Variants in NRP1 observed in about 807,000 individuals in gnomAD.
NRP1 encodes neuropilin 1, also known as neuropilin-1.
In NRP1, 35 loss-of-function variants were observed where a neutral mutation model predicts 106.7. That is an observed-to-expected ratio of 0.33 (90% confidence interval 0.25 to 0.43). The LOEUF is 0.43. Among genes scored for constraint, NRP1 ranks in the 20% least tolerant of loss-of-function variants. NRP1 has a pLI of 1.00. For missense variants in NRP1, 1,024 were observed against 1,170.4 expected (o/e 0.87, Z 1.83); for synonymous variants, 437 against 417.9 (o/e 1.05, Z -0.56).
intron 15 of NRP1, 59 bp from the exon 16 acceptor site, chr10:33,182,807 C>A: frequency 1.8e-6 from 2 of 1,115,260 alleles, no homozygotes; most frequent in South Asian, 1.2e-5. Context: ...TATAATGCAC[C>A]AAACTACACA....
At position 33,215,107 on chromosome 10, in the gene NRP1, G is replaced by A. The variant is rs548652436; in HGVS notation, c.1283-1390C>T. Reference sequence around the variant, plus strand: ...TAGGAAGATATCAAAACTCGATCTGGCATTCAAGACCCTCATTTTGACTTC... The same window carrying A: ...TAGGAAGATATCAAAACTCGATCTGACATTCAAGACCCTCATTTTGACTTC... On this transcript the variant is annotated intron_variant, in intron 8 of 16. Transcript: ENST00000374867. 2.4e-4 allele frequency among the ~76,000 whole-genome samples: 37 copies of A among 152,254 alleles called. No individual in the cohort carries two copies. The South Asian group carries it at 3.9e-3, about 16-fold the overall frequency.
At chr10:33,210,248 C>T (rs1311529521) in intron 9 of NRP1, among the ~76,000 whole-genome samples, 1 of 151,252 alleles carries the variant, frequency 6.6e-6, no homozygotes, top group Admixed American at 6.6e-5. Flanking sequence ...TTTTATAGAA[C>T]TGCAATTGCT....
At chr10:33,221,938 G>A in intron 7 of NRP1, 75 bp from the exon 8 acceptor site, 4 of 1,474,612 alleles carry the variant, frequency 2.7e-6, no homozygotes, top group Non-Finnish European at 3.7e-6. Flanking sequence ...TTCACAAATG[G>A]TTGTAAAAAT....
chr10:33,282,154 C>T (rs61843222), intron 2 of NRP1, among the ~76,000 whole-genome samples: 8 of 151,328 alleles, frequency 5.3e-5, no homozygotes, highest in Non-Finnish European at 1.0e-4. Context: ...TCATGAAATC[C>T]GTTAAGTGTT....
intron 9 of NRP1, 46 bp from the exon 10 acceptor site, chr10:33,207,762 G>C (rs779191260): frequency 1.3e-6 from 2 of 1,586,316 alleles, no homozygotes; most frequent in Non-Finnish European, 1.7e-6. Flanking sequence ...AAAAAAAACA[G>C]AGCTCCCTTT....
chr10:33,220,177 C>T (rs1004693023), intron 8 of NRP1, among the ~76,000 whole-genome samples: 1 of 152,172 alleles, frequency 6.6e-6, no homozygotes, highest in Non-Finnish European at 1.5e-5. Context: ...CTGAACTCTA[C>T]TATAAACAAG....
At chr10:33,285,122 G>C (rs528069904) in intron 2 of NRP1, among the ~76,000 whole-genome samples, 3 of 152,342 alleles carry the variant, frequency 2.0e-5, no homozygotes, top group South Asian at 4.1e-4. Flanking sequence ...GTACGATGCT[G>C]ATACCTAAGA....
chr10:33,253,485 A>T (rs1262121313), intron 6 of NRP1, among the ~76,000 whole-genome samples: 4 of 152,200 alleles, frequency 2.6e-5, no homozygotes, highest in Non-Finnish European at 5.9e-5. Flanking sequence ...AGTGCCTTCA[A>T]CCAAACCCCC....
intron 2 of NRP1, among the ~76,000 whole-genome samples, chr10:33,317,391 G>T (rs1047183264): frequency 6.6e-6 from 1 of 152,206 alleles, no homozygotes; most frequent in Non-Finnish European, 1.5e-5. Context: ...GCAGGAAGGA[G>T]ATGGCAAGGT....
chr10:33,266,636 G>A (rs866166226), intron 3 of NRP1, among the ~76,000 whole-genome samples: 1 of 152,206 alleles, frequency 6.6e-6, no homozygotes, highest in African/African-American at 2.4e-5. Flanking sequence ...GTGAATACAC[G>A]TGATAGTGTT....
intron 4 of NRP1, among the ~76,000 whole-genome samples, chr10:33,259,836 A>G (rs921194820): frequency 2.6e-5 from 4 of 152,160 alleles, no homozygotes; most frequent in South Asian, 2.1e-4. Context: ...CTGATCTACT[A>G]TAAAGAGGTA....
At chr10:33,200,357 C>T (rs972304167) in intron 11 of NRP1, among the ~76,000 whole-genome samples, 2 of 152,172 alleles carry the variant, frequency 1.3e-5, no homozygotes, top group African/African-American at 4.8e-5. Context: ...GAAGCATTTT[C>T]ACCTTGGCTA....
Position 33,221,746 on chromosome 10 carries a change from A to T in NRP1, c.1255T>A (p.Phe419Ile). ...GTTATCTTGCAACCGTATACTTCAAATCTCATAGATATGCCAGTTTCCCAA... is the reference window on the plus strand; with the variant it reads ...GTTATCTTGCAACCGTATACTTCAATTCTCATAGATATGCCAGTTTCCCAA... Reference protein sequence around the residue: ...ATWETGISMRFEVYGCKITDY... With the variant: ...ATWETGISMRIEVYGCKITDY... Residue 419 changes from phenylalanine to isoleucine, a missense_variant, in exon 8 of 17, where the codon TTT (phenylalanine) becomes ATT (isoleucine). This residue lies in a region of NRP1 where 562 missense variants were observed against 620.3 expected (regional missense o/e 0.91). Transcript: ENST00000374867. 1 of 1,614,120 alleles carries T rather than the reference A, an allele frequency of 6.2e-7. No homozygotes were observed. The highest frequency in any genetic ancestry group is 2.2e-5 in the East Asian group (1 of 44,864).
At chr10:33,203,369 T>C (rs1374688791) in intron 10 of NRP1, among the ~76,000 whole-genome samples, 1 of 152,252 alleles carries the variant, frequency 6.6e-6, no homozygotes, top group African/African-American at 2.4e-5. Flanking sequence ...CCCTTTCATT[T>C]TCAAGGTGTT....
rs193154784 is a variant in NRP1, at chr10:33,284,011, G to A, written c.249-13155C>T. Among the ~76,000 whole-genome samples, 81 of 152,262 alleles carry A rather than the reference G, an allele frequency of 5.3e-4. No individual in the cohort carries two copies. The East Asian group carries it at 7.9e-3, about 15-fold the overall frequency. On this transcript the variant is annotated intron_variant, in intron 2 of 16. Coordinates refer to ENST00000374867, the MANE Select transcript of NRP1 (RefSeq NM_003873.7). Reference sequence around the variant, plus strand: ...TCCTAACAGGAAAAAATGGAATAGGGTCAAGTTCACTAAAGTAAAACGTGG... The same window carrying A: ...TCCTAACAGGAAAAAATGGAATAGGATCAAGTTCACTAAAGTAAAACGTGG...
In NRP1 at chr10:33,311,553, A is replaced by G. The variant is rs145893122; in HGVS notation, c.248+19155T>C. On this transcript the variant is annotated intron_variant, in intron 2 of 16. Transcript: ENST00000374867. Reference sequence around the variant, plus strand: ...TATCACTGTCTCTATCACTATCGCTATCAGCTGTCACAGTGATCGGCACAT... The same window carrying G: ...TATCACTGTCTCTATCACTATCGCTGTCAGCTGTCACAGTGATCGGCACAT... Among the ~76,000 whole-genome samples the G allele has an allele frequency of 3.3e-3, 503 of 152,312 alleles. 4 individuals are homozygous for G. The highest frequency in any genetic ancestry group is 0.012 in the African/African-American group (486 of 41,564).
chr10:33,251,558 T>C (rs1257247285), intron 6 of NRP1, among the ~76,000 whole-genome samples: 1 of 152,168 alleles, frequency 6.6e-6, no homozygotes, highest in African/African-American at 2.4e-5. Context: ...TGAGTTACCT[T>C]GCTTCTCCTG....
At chr10:33,305,291 T>C (rs758145454) in intron 2 of NRP1, among the ~76,000 whole-genome samples, 1 of 152,134 alleles carries the variant, frequency 6.6e-6, no homozygotes, top group Non-Finnish European at 1.5e-5. Context: ...CCTAGGAAAA[T>C]AATAATTGAT....
At chr10:33,318,998 CTTTCT>C (rs1183153966) in intron 2 of NRP1, among the ~76,000 whole-genome samples, 11 of 120,358 alleles carry the variant, frequency 9.1e-5, no homozygotes, top group Admixed American at 4.1e-4. Context: ...CTTTTCTTTT[CTTTCT>C]TTTTTTTTTT....
Sources: allele counts gnomAD v4.1 joint callset (sites outside exome capture counted in the v4.1 genomes callset), GRCh38; gene constraint gnomAD v4.1.1; regional missense constraint gnomAD v4.1.1; transcripts MANE v1.5; gene names NCBI Gene and HGNC (gene_info 2026-07-23, HGNC 2026-07-21).